The following GRIK4 variants were observed in gnomAD, a reference collection of about 807,000 sequenced individuals.
GRIK4 encodes glutamate ionotropic receptor kainate type subunit 4.
Under a neutral mutation model 104.9 loss-of-function variants are expected in GRIK4, and 40 were observed. That is an observed-to-expected ratio of 0.38 (90% CI 0.30 to 0.50). The LOEUF (loss-of-function observed/expected upper bound fraction) is 0.50. Ranked by LOEUF, GRIK4 falls within the 20% of genes least tolerant of loss-of-function variation. The pLI is 0.93. For missense variants in GRIK4, 1,047 were observed against 1,308.1 expected, an observed-to-expected ratio of 0.80 and a Z score of 3.08; for synonymous variants, 485 against 524.9, an observed-to-expected ratio of 0.92 and a Z score of 1.04.
chr11:120,856,662 T>C (rs1954112308), intron 8 of GRIK4, among the ~76,000 whole-genome samples: 1 of 152,190 alleles, frequency 6.6e-6, no homozygotes. Flanking sequence ...GAAGGGGCTG[T>C]TGGGCAGAAA....
chr11:120,521,343 A>T (rs540585717), intron 1 of GRIK4, among the ~76,000 whole-genome samples: 3 of 152,054 alleles, frequency 2.0e-5, no homozygotes, highest in Non-Finnish European at 2.9e-5. Context: ...AAGTGCTGGG[A>T]TTACAGGTGT....
At chr11:120,515,696 C>A (rs1947717200) in intron 1 of GRIK4, among the ~76,000 whole-genome samples, 1 of 152,314 alleles carries the variant, frequency 6.6e-6, no homozygotes, top group Non-Finnish European at 1.5e-5. Flanking sequence ...TCCTGTAAAT[C>A]GGCCCTCTTC....
chr11:120,647,717 C>T (rs1949562139), intron 1 of GRIK4, among the ~76,000 whole-genome samples: 1 of 152,282 alleles, frequency 6.6e-6, no homozygotes, highest in Admixed American at 6.5e-5. Flanking sequence ...TTTCTGCCTG[C>T]CTTCCAGCAC....
chr11:120,519,889 T>TTTTTTTTTTG (rs1555132646), intron 1 of GRIK4, among the ~76,000 whole-genome samples: 1 of 146,586 alleles, frequency 6.8e-6, no homozygotes, highest in African/African-American at 2.6e-5. Context: ...TGTTTTTTTT[T>TTTTTTTTTTG]TTGTTGTTGT....
At chr11:120,787,009 T>G (rs906059694) in intron 3 of GRIK4, among the ~76,000 whole-genome samples, 2 of 152,234 alleles carry the variant, frequency 1.3e-5, no homozygotes, top group Admixed American at 6.5e-5. Flanking sequence ...ATTTTTATAT[T>G]GACTAGAGAT....
At chr11:120,713,716 TTGA>T (rs1237237613) in intron 3 of GRIK4, among the ~76,000 whole-genome samples, 1 of 152,176 alleles carries the variant, frequency 6.6e-6, no homozygotes, top group Non-Finnish European at 1.5e-5. Context: ...TACGAGGGAC[TTGA>T]TGAGTCGCAG....
chr11:120,823,895 G>A (rs1249129985), intron 6 of GRIK4, among the ~76,000 whole-genome samples: 1 of 152,204 alleles, frequency 6.6e-6, no homozygotes, highest in African/African-American at 2.4e-5. Flanking sequence ...ACCCTCCAGG[G>A]CCAGAGCAGG....
intron 1 of GRIK4, among the ~76,000 whole-genome samples, chr11:120,527,590 G>C (rs569060388): frequency 1.3e-5 from 2 of 152,352 alleles, no homozygotes; most frequent in South Asian, 4.1e-4. Flanking sequence ...CTCCAGGGGC[G>C]GGCTGGGGGC....
intron 3 of GRIK4, among the ~76,000 whole-genome samples, chr11:120,800,005 G>A (rs963980906): frequency 6.9e-6 from 1 of 144,930 alleles, no homozygotes; most frequent in African/African-American, 2.8e-5. Flanking sequence ...CTGCCACCAT[G>A]CCTGGCTTTT....
At chr11:120,615,013 C>CA (rs1949091225) in intron 1 of GRIK4, among the ~76,000 whole-genome samples, 1 of 151,432 alleles carries the variant, frequency 6.6e-6, no homozygotes, top group South Asian at 2.1e-4. Context: ...CAAAACAAAA[C>CA]AAAAAACAAA....
chr11:120,786,686 A>G (rs1445491607), intron 3 of GRIK4, among the ~76,000 whole-genome samples: 1 of 152,188 alleles, frequency 6.6e-6, no homozygotes, highest in African/African-American at 2.4e-5. Context: ...CAGCTATTCC[A>G]AGCCCTCCCC....
At chr11:120,899,583 GCT>G (rs1460449189) in intron 12 of GRIK4, among the ~76,000 whole-genome samples, 1 of 152,162 alleles carries the variant, frequency 6.6e-6, no homozygotes, top group African/African-American at 2.4e-5. Flanking sequence ...GTAGGACTCA[GCT>G]CTGTTCTCTA....
intron 13 of GRIK4, among the ~76,000 whole-genome samples, chr11:120,908,128 C>A (rs558220961): frequency 6.6e-6 from 1 of 152,268 alleles, no homozygotes; most frequent in South Asian, 2.1e-4. Flanking sequence ...GCCATTGCAT[C>A]TAAATCTGTC....
At chr11:120,723,868 A>T (rs886583767) in intron 3 of GRIK4, among the ~76,000 whole-genome samples, 1 of 152,152 alleles carries the variant, frequency 6.6e-6, no homozygotes, top group Admixed American at 6.5e-5. Flanking sequence ...TGTACCTTCT[A>T]TGAGTGTTGA....
At chr11:120,928,464 G>C (rs975744727) in intron 13 of GRIK4, among the ~76,000 whole-genome samples, 2 of 152,092 alleles carry the variant, frequency 1.3e-5, no homozygotes, top group African/African-American at 4.8e-5. Context: ...CTGGTGAATG[G>C]CAGAGTCGGG....
intron 3 of GRIK4, among the ~76,000 whole-genome samples, chr11:120,714,981 C>T (rs1346943018): frequency 6.6e-6 from 1 of 151,290 alleles, no homozygotes; most frequent in Non-Finnish European, 1.5e-5. Context: ...GTGGCAAATG[C>T]ATGGGAGGAA....
At chr11:120,728,831 G>T (rs1047365555) in intron 3 of GRIK4, among the ~76,000 whole-genome samples, 8 of 152,056 alleles carry the variant, frequency 5.3e-5, no homozygotes, top group Non-Finnish European at 8.8e-5. Flanking sequence ...ACCCTGTTGT[G>T]CTAGCAAATA....
At position 120,953,177 on chromosome 11, in the gene GRIK4, C is replaced by G. The variant is rs546077848; in HGVS notation, c.1700+213C>G. On this transcript the variant is annotated intron_variant, in intron 15 of 20. Coordinates refer to ENST00000527524, the MANE Select transcript of GRIK4 (RefSeq NM_014619.5). This position sits in a 1 kb window ranked among gnomAD's most constrained non-coding sequence, Gnocchi z 4.9. Reference sequence around the variant, plus strand: ...GCCCATCCAAACATTCCCCACTGTGCACGACGCAGACAGGTGGCTTGGCTT... The same window carrying G: ...GCCCATCCAAACATTCCCCACTGTGGACGACGCAGACAGGTGGCTTGGCTT... Among the ~76,000 whole-genome samples, 222 of 152,208 alleles carry G rather than the reference C, an allele frequency of 1.5e-3. 1 individual carries two copies. Among genetic ancestry groups the G allele is most frequent in the African/African-American group, 5.2e-3 (216 of 41,518 alleles).
rs187270540 is a variant in GRIK4 at position 120,580,823 on chromosome 11, C to G, written c.-159+68936C>G. ...TTCTATATGGTAAGTGTATGTTTAG[C>G]TTCCTAAGAAGCTGCCAACCTGATC... On this transcript the variant is annotated intron_variant, in intron 1 of 20. Coordinates refer to ENST00000527524, the MANE Select transcript of GRIK4 (RefSeq NM_014619.5). Among the ~76,000 whole-genome samples the G allele has an allele frequency of 1.8e-3, 269 of 152,238 alleles. 1 individual carries two copies. The highest frequency in any genetic ancestry group is 5.3e-3 in the African/African-American group (219 of 41,552).
Sources: allele counts gnomAD v4.1 joint callset (sites outside exome capture counted in the v4.1 genomes callset), GRCh38; gene constraint gnomAD v4.1.1; non-coding constraint Gnocchi (gnomAD v3.1); transcripts MANE v1.5; gene names NCBI Gene and HGNC (gene_info 2026-07-23, HGNC 2026-07-21).